Variants in DYNLT2 observed in about 807,000 individuals in gnomAD.
The protein encoded by DYNLT2 is dynein light chain Tctex-type 2.
Under a neutral mutation model 24.3 loss-of-function variants are expected in DYNLT2, and 24 were observed. That is an observed-to-expected ratio of 0.99 (90% CI 0.71 to 1.39). The LOEUF is 1.39. DYNLT2 is among the 40% of genes most tolerant of loss of function. The probability of loss-of-function intolerance (pLI) is 0.00; values close to 1 mark genes in which losing one functional copy is unlikely to be tolerated. For missense variants in DYNLT2, 246 were observed against 234.5 expected (o/e 1.05, Z -0.32); for synonymous variants, 85 against 85.4 (o/e 1.00, Z 0.03).
chr6:169,736,487 G>A (rs1789565085), downstream of DYNLT2, among the ~76,000 whole-genome samples: 1 of 152,122 alleles, frequency 6.6e-6, no homozygotes, highest in Non-Finnish European at 1.5e-5. Context: ...CTTCTTTCAG[G>A]AGCTGTTGCA....
chr6:169,732,668 T>C, the DYNLT2 span, among the ~76,000 whole-genome samples: 2 of 152,278 alleles, frequency 1.3e-5, no homozygotes, highest in Admixed American at 6.5e-5. Flanking sequence ...CCACATTTTC[T>C]TTATCCAGTC....
intron 1 of DYNLT2, among the ~76,000 whole-genome samples, chr6:169,746,563 A>G (rs912481207): frequency 2.6e-5 from 4 of 152,016 alleles, no homozygotes; most frequent in Admixed American, 2.6e-4. Flanking sequence ...CTTGCATGCT[A>G]TTTTGTCAAC....
downstream of DYNLT2, among the ~76,000 whole-genome samples, chr6:169,739,330 A>G (rs541916369): frequency 6.6e-6 from 1 of 151,628 alleles, no homozygotes; most frequent in South Asian, 2.1e-4. Flanking sequence ...TATAGGAGTG[A>G]GCCACTGTGG....
chr6:169,729,042 T>G, the DYNLT2 span, among the ~76,000 whole-genome samples: 1 of 152,240 alleles, frequency 6.6e-6, no homozygotes, highest in Non-Finnish European at 1.5e-5. Context: ...ATAAGGTTTT[T>G]ATTTAGTCTC....
intron 1 of DYNLT2, chr6:169,750,741 A>C (rs1336871822): frequency 6.6e-6 from 1 of 152,244 alleles, no homozygotes; most frequent in Non-Finnish European, 1.5e-5. Flanking sequence ...TCAAAGCCTA[A>C]TCATATAGAA....
chr6:169,747,415 T>G (rs1452694699), intron 1 of DYNLT2, among the ~76,000 whole-genome samples: 1 of 101,806 alleles, frequency 9.8e-6, no homozygotes, highest in Non-Finnish European at 1.6e-5. Flanking sequence ...CTCTCTCACC[T>G]CTTTGGGGAC....
intron 1 of DYNLT2, 100 bp from the exon 2 acceptor site, chr6:169,744,374 G>A: frequency 1.0e-6 from 1 of 972,546 alleles, no homozygotes; most frequent in Admixed American, 2.8e-5. Context: ...AGTGGGACAG[G>A]GCTCACACAA....
At chr6:169,748,529 C>T (rs573239143) in intron 1 of DYNLT2, among the ~76,000 whole-genome samples, 5 of 152,290 alleles carry the variant, frequency 3.3e-5, no homozygotes, top group African/African-American at 1.2e-4. Context: ...GAGTAGAAGT[C>T]CCTCACATAA....
downstream of DYNLT2, among the ~76,000 whole-genome samples, chr6:169,736,959 G>A (rs561242670): frequency 1.3e-5 from 2 of 152,204 alleles, no homozygotes; most frequent in African/African-American, 4.8e-5. Context: ...CCAATCAATC[G>A]TAGGTTTGGC....
rs753529888 is a variant in DYNLT2 at position 169,751,320 on chromosome 6, T to C, written c.120+19A>G. On this transcript the variant is annotated intron_variant, in intron 1 of 3. Coordinates refer to ENST00000366774, the MANE Select transcript of DYNLT2 (RefSeq NM_174910.3). ...GTCGGACATAGCCGTCTCGGGCCCC[T>C]AGCAGTCTCCGCACTCACTGCCTCC... 20 of 1,610,602 alleles carry C rather than the reference T, an allele frequency of 1.2e-5. No homozygotes were observed. In the East Asian group the frequency reaches 3.8e-4, roughly 31 times the overall value.
chr6:169,751,399 A>C lies in DYNLT2; in HGVS notation c.60T>G (p.Pro20=). The C allele has an allele frequency of 6.2e-7, 1 of 1,613,972 alleles. No homozygotes were observed. The highest frequency in any genetic ancestry group is 8.5e-7 in the Non-Finnish European group (1 of 1,179,974). Residue 20 remains proline, a synonymous_variant, in exon 1 of 4, where the codon CCT becomes CCG. Transcript: ENST00000366774. ...TCCTAGGCGTCACCGGAGCCTGCTG[A>C]GGGGTCTGGTTCGGGGTCTGGATGG... The part of the protein sequence containing the change: ...SSPIQTPNQT[P]QQAPVTPRKE...
intron 1 of DYNLT2, 112 bp from the exon 2 acceptor site, chr6:169,744,386 G>T (rs2128335945): frequency 2.3e-6 from 2 of 881,938 alleles, no homozygotes; most frequent in Non-Finnish European, 3.4e-6. Flanking sequence ...CTCACACAAA[G>T]CTTGGAAATT....
downstream of DYNLT2, among the ~76,000 whole-genome samples, chr6:169,739,399 C>A (rs1789628000): frequency 6.6e-6 from 1 of 151,818 alleles, no homozygotes; most frequent in Admixed American, 6.6e-5. Flanking sequence ...AGGCTCCAGC[C>A]CCAATCTTAA....
rs1247846738 is a variant in DYNLT2 at position 169,751,399 on chromosome 6, AG to A, written c.59del (p.Pro20LeufsTer6). ...SSPIQTPNQTPQQAPVTPRKE... is the reference protein window; with the variant it reads ...SSPIQTPNQTXQQAPVTPRKE... ...TCCTAGGCGTCACCGGAGCCTGCTG[AG>A]GGGTCTGGTTCGGGGTCTGGATGGG... On this transcript the variant is annotated frameshift_variant, in exon 1 of 4. Coordinates refer to ENST00000366774, the MANE Select transcript of DYNLT2 (RefSeq NM_174910.3). LOFTEE classifies it high-confidence loss of function. 8.7e-6 allele frequency: 14 copies of A among 1,613,972 alleles called. No individual in the cohort carries two copies. Among genetic ancestry groups the A allele is most frequent in the Non-Finnish European group, 1.2e-5 (14 of 1,179,974 alleles).
the DYNLT2 span, among the ~76,000 whole-genome samples, chr6:169,726,562 T>C: frequency 1.3e-5 from 2 of 152,228 alleles, no homozygotes; most frequent in Non-Finnish European, 2.9e-5. Context: ...GGATGAAATA[T>C]GTAGGGAGGT....
chr6:169,741,751 C>A (rs1378133078), intron 3 of DYNLT2, among the ~76,000 whole-genome samples: 1 of 152,094 alleles, frequency 6.6e-6, no homozygotes, highest in Non-Finnish European at 1.5e-5. Context: ...TCCTTCTTAT[C>A]TGAACATCAG....
chr6:169,734,981 A>T, the DYNLT2 span, among the ~76,000 whole-genome samples: 1 of 152,132 alleles, frequency 6.6e-6, no homozygotes, highest in Non-Finnish European at 1.5e-5. Flanking sequence ...TTATTGGTCT[A>T]TTCAGGGATT....
chr6:169,730,061 A>C, the DYNLT2 span, among the ~76,000 whole-genome samples: 14 of 152,382 alleles, frequency 9.2e-5, no homozygotes, highest in African/African-American at 3.4e-4. Flanking sequence ...TAAAGTTAAT[A>C]TGCAATCATA....
At chr6:169,745,154 G>A (rs138722197) in intron 1 of DYNLT2, among the ~76,000 whole-genome samples, 89 of 151,772 alleles carry the variant, frequency 5.9e-4, no homozygotes, top group African/African-American at 2.0e-3. Flanking sequence ...GTGCAGTGGC[G>A]CGATCTTGGC....
Sources: allele counts gnomAD v4.1 joint callset (sites outside exome capture counted in the v4.1 genomes callset), GRCh38; gene constraint gnomAD v4.1.1; transcripts MANE v1.5; gene names NCBI Gene and HGNC (gene_info 2026-07-23, HGNC 2026-07-21).